Variants in SLC9A9 observed in about 807,000 individuals in gnomAD.
SLC9A9 encodes the protein solute carrier family 9 member A9.
In SLC9A9, 62 loss-of-function variants were observed where a neutral mutation model predicts 77.8. That is an observed-to-expected ratio of 0.80 (90% CI 0.65 to 0.98). The LOEUF (loss-of-function observed/expected upper bound fraction) is 0.98. SLC9A9 is among the 50% of genes least tolerant of loss of function. The pLI, the probability that SLC9A9 is intolerant of heterozygous loss-of-function variation, is 0.00. For synonymous variants in SLC9A9, 320 were observed against 283.5 expected (o/e 1.13, Z -1.29); for missense variants, 775 against 774.9 (o/e 1.00, Z 0.00).
chr3:143,691,284 G>A (rs913415041), intron 5 of SLC9A9, among the ~76,000 whole-genome samples: 2 of 151,856 alleles, frequency 1.3e-5, no homozygotes, highest in Non-Finnish European at 2.9e-5. Context: ...TTTCCAGGCT[G>A]GTCTTGACCT....
chr3:143,274,467 A>G (rs1937988174), intron 14 of SLC9A9, among the ~76,000 whole-genome samples: 1 of 152,156 alleles, frequency 6.6e-6, no homozygotes, highest in African/African-American at 2.4e-5. Context: ...CAAATGGTTT[A>G]ACAATTGACT....
At chr3:143,802,766 G>T (rs1260554214) in intron 2 of SLC9A9, among the ~76,000 whole-genome samples, 1 of 152,134 alleles carries the variant, frequency 6.6e-6, no homozygotes, top group Non-Finnish European at 1.5e-5. Flanking sequence ...ACCTCACCAA[G>T]CTCAGCCTCC....
chr3:143,634,143 C>CTTTTTTTTTTTTTTTTTTTTTTTTTTTTT (rs1164545805), intron 6 of SLC9A9, among the ~76,000 whole-genome samples: 1 of 147,966 alleles, frequency 6.8e-6, no homozygotes, highest in African/African-American at 2.7e-5. Flanking sequence ...TCCCATAATC[C>CTTTTTTTTTTTTTTTTTTTTTTTTTTTTT]TTTCTTTAAG....
rs532939008 is a variant in SLC9A9 at position 143,431,133 on chromosome 3, T to TAGG, written c.1469+35903_1469+35904insCCT. Reference sequence around the variant, plus strand: ...CAGTCCTGGTGGTACTCAAGGCCTTTCACAGTCTGGTGCCCCTAAATCTTT... The same window carrying TAGG: ...CAGTCCTGGTGGTACTCAAGGCCTTTAGGCACAGTCTGGTGCCCCTAAATCTTT... On this transcript the variant is annotated intron_variant, in intron 12 of 15. Coordinates refer to ENST00000316549, the MANE Select transcript of SLC9A9 (RefSeq NM_173653.4). Among the ~76,000 whole-genome samples the TAGG allele has an allele frequency of 4.3e-4, 66 of 152,242 alleles. 1 individual carries two copies. In the East Asian group the frequency reaches 0.013, roughly 29 times the overall value.
chr3:143,691,067 T>A (rs1027680357), intron 5 of SLC9A9, among the ~76,000 whole-genome samples: 1 of 152,138 alleles, frequency 6.6e-6, no homozygotes, highest in African/African-American at 2.4e-5. Flanking sequence ...TGTTAAATTC[T>A]AGCATCTGAT....
At chr3:143,277,995 C>T (rs1319461037) in intron 14 of SLC9A9, among the ~76,000 whole-genome samples, 1 of 152,162 alleles carries the variant, frequency 6.6e-6, no homozygotes, top group Non-Finnish European at 1.5e-5. Flanking sequence ...GGTGGCAGCT[C>T]ATCCCATACT....
intron 4 of SLC9A9, among the ~76,000 whole-genome samples, chr3:143,724,220 T>A (rs1934580643): frequency 6.6e-6 from 1 of 152,194 alleles, no homozygotes; most frequent in Non-Finnish European, 1.5e-5. Flanking sequence ...TCTCACTAGA[T>A]CTGATGGTTT....
chr3:143,537,765 T>C (rs1025893587), intron 9 of SLC9A9, among the ~76,000 whole-genome samples: 5 of 152,128 alleles, frequency 3.3e-5, no homozygotes, highest in Admixed American at 6.5e-5. Flanking sequence ...AACTTTACCA[T>C]TTAGTGCCTC....
chr3:143,572,118 T>TGGCA (rs1037229071), intron 8 of SLC9A9, among the ~76,000 whole-genome samples: 1 of 152,146 alleles, frequency 6.6e-6, no homozygotes, highest in African/African-American at 2.4e-5. Flanking sequence ...GTGGTCTGTA[T>TGGCA]GGCAGCTCAG....
chr3:143,441,427 C>T (rs2108544749), intron 12 of SLC9A9, among the ~76,000 whole-genome samples: 1 of 152,258 alleles, frequency 6.6e-6, no homozygotes, highest in East Asian at 1.9e-4. Context: ...AACTAATATT[C>T]CTACTGCATC....
chr3:143,764,035 G>A (rs954423809), intron 4 of SLC9A9, among the ~76,000 whole-genome samples: 2 of 151,856 alleles, frequency 1.3e-5, no homozygotes, highest in African/African-American at 4.8e-5. Flanking sequence ...GGGATAACTG[G>A]GTTCTTCCTT....
At chr3:143,295,935 A>T (rs2030245593) in intron 14 of SLC9A9, among the ~76,000 whole-genome samples, 1 of 151,894 alleles carries the variant, frequency 6.6e-6, no homozygotes, top group Non-Finnish European at 1.5e-5. Flanking sequence ...GAGGGCCCCC[A>T]TACTTTCTGG....
At chr3:143,787,360 CTTTA>C (rs1478890086) in intron 4 of SLC9A9, among the ~76,000 whole-genome samples, 5 of 152,170 alleles carry the variant, frequency 3.3e-5, no homozygotes, top group African/African-American at 4.8e-5. Context: ...AATCATTTGT[CTTTA>C]TTTGTTTCTT....
chr3:143,288,397 T>C (rs1252910486), intron 14 of SLC9A9, among the ~76,000 whole-genome samples: 1 of 152,206 alleles, frequency 6.6e-6, no homozygotes, highest in African/African-American at 2.4e-5. Flanking sequence ...AGAGTTCTTT[T>C]AGGATCTCTT....
At chr3:143,751,230 G>T (rs964771416) in intron 4 of SLC9A9, among the ~76,000 whole-genome samples, 1 of 152,150 alleles carries the variant, frequency 6.6e-6, no homozygotes, top group African/African-American at 2.4e-5. Flanking sequence ...CTCTCTGAAG[G>T]CATCACCTTC....
chr3:143,504,721 A>G (rs921610701), intron 9 of SLC9A9, among the ~76,000 whole-genome samples: 5 of 152,216 alleles, frequency 3.3e-5, no homozygotes. Context: ...TACATACTTT[A>G]ACAATTTTTA....
At chr3:143,481,292 G>T (rs1421355880) in intron 11 of SLC9A9, among the ~76,000 whole-genome samples, 2 of 152,140 alleles carry the variant, frequency 1.3e-5, no homozygotes, top group East Asian at 3.9e-4. Flanking sequence ...CCAGACCAGA[G>T]AAGTTACAAA....
intron 2 of SLC9A9, among the ~76,000 whole-genome samples, chr3:143,798,416 C>T (rs935094376): frequency 9.0e-4 from 137 of 152,180 alleles, no homozygotes; most frequent in Non-Finnish European, 3.1e-4. Flanking sequence ...AAGTCAATTG[C>T]GGGGACGCCT....
rs543592067 is a variant in SLC9A9, at chr3:143,685,733, A to C, written c.649+7459T>G. 7.9e-5 allele frequency among the ~76,000 whole-genome samples: 12 copies of C among 152,276 alleles called. No individual in the cohort carries two copies. The East Asian group carries it at 2.3e-3, about 29-fold the overall frequency. Reference sequence around the variant, plus strand: ...TGGGTGATTATTTAATACTTGATGCAATGTGCTGAGTTCTTCCTTTTCCTA... The same window carrying C: ...TGGGTGATTATTTAATACTTGATGCCATGTGCTGAGTTCTTCCTTTTCCTA... On this transcript the variant is annotated intron_variant, in intron 5 of 15. Coordinates refer to ENST00000316549, the MANE Select transcript of SLC9A9 (RefSeq NM_173653.4).
Sources: allele counts gnomAD v4.1 joint callset (sites outside exome capture counted in the v4.1 genomes callset), GRCh38; gene constraint gnomAD v4.1.1; transcripts MANE v1.5; gene names NCBI Gene and HGNC (gene_info 2026-07-23, HGNC 2026-07-21).